Variants in PSMC1 observed in about 807,000 individuals in gnomAD.
PSMC1 encodes proteasome 26S subunit, ATPase 1.
A neutral mutation model predicts 49.8 loss-of-function variants in PSMC1; 5 were observed. The ratio of observed to expected loss-of-function variants is 0.10; its 90% CI spans 0.05 to 0.21. The LOEUF (loss-of-function observed/expected upper bound fraction) is 0.21. Ranked by LOEUF, PSMC1 falls within the 10% of genes least tolerant of loss-of-function variation. The probability of loss-of-function intolerance (pLI) is 1.00; values close to 1 mark genes in which losing one functional copy is unlikely to be tolerated. For missense variants in PSMC1, 181 were observed against 535.7 expected (o/e 0.34, Z 6.54); for synonymous variants, 155 against 192.1 (o/e 0.81, Z 1.60).
At chr14:90,265,043 G>T in intron 6 of PSMC1, 27 bp from the exon 7 acceptor site, 1 of 1,501,862 alleles carries the variant, frequency 6.7e-7, no homozygotes, top group Admixed American at 1.8e-5. Context: ...TTTCAGTAAA[G>T]CCTTTCATTC....
chr14:90,269,685 A>G, intron 9 of PSMC1, 137 bp downstream of exon 9: 1 of 963,622 alleles, frequency 1.0e-6, no homozygotes, highest in Admixed American at 2.6e-5. Flanking sequence ...ACAAAAAAAT[A>G]GGTCCTCTTG....
At chr14:90,261,053 G>A (rs888005454) in intron 3 of PSMC1, among the ~76,000 whole-genome samples, 5 of 152,098 alleles carry the variant, frequency 3.3e-5, no homozygotes, top group Non-Finnish European at 5.9e-5. Context: ...GCTTCCTGCC[G>A]AACATAGAAT....
intron 3 of PSMC1, among the ~76,000 whole-genome samples, chr14:90,260,605 G>A (rs922422334): frequency 1.3e-5 from 2 of 152,162 alleles, no homozygotes; most frequent in Non-Finnish European, 2.9e-5. Flanking sequence ...GGTGGCGGGT[G>A]CCTGTAGTCC....
intron 7 of PSMC1, among the ~76,000 whole-genome samples, chr14:90,265,614 G>GGGAGGCGGTGCTTGTAGTGAGC (rs1891491927): frequency 6.6e-6 from 1 of 151,268 alleles, no homozygotes; most frequent in Non-Finnish European, 1.5e-5. Flanking sequence ...GCATGAACCC[G>GGGAGGCGGTGCTTGTAGTGAGC]GGAGGCGGTG....
At chr14:90,256,817 C>T (rs1891303311) in intron 1 of PSMC1, among the ~76,000 whole-genome samples, 1 of 152,144 alleles carries the variant, frequency 6.6e-6, no homozygotes, top group East Asian at 1.9e-4. Context: ...GATCCTGGGG[C>T]CGGGGCTCAG....
chr14:90,262,786 C>G (rs77159996), intron 3 of PSMC1, among the ~76,000 whole-genome samples: 1 of 123,802 alleles, frequency 8.1e-6, no homozygotes, highest in African/African-American at 3.0e-5. Context: ...GACTCCGTCT[C>G]AAAAAAAAAA....
intron 4 of PSMC1, 48 bp downstream of exon 4, chr14:90,263,490 A>G (rs1891442125): frequency 1.3e-6 from 2 of 1,517,696 alleles, no homozygotes; most frequent in South Asian, 2.5e-5. Flanking sequence ...ATTGAATTCT[A>G]TAAAATTGTC....
intron 2 of PSMC1, among the ~76,000 whole-genome samples, chr14:90,259,425 T>G (rs995373830): frequency 7.9e-5 from 12 of 152,086 alleles, no homozygotes; most frequent in African/African-American, 2.9e-4. Context: ...TATGAGTTAT[T>G]TATTTGTGTA....
At chr14:90,265,657 C>T (rs1218765557) in intron 7 of PSMC1, among the ~76,000 whole-genome samples, 2 of 147,404 alleles carry the variant, frequency 1.4e-5, no homozygotes, top group Non-Finnish European at 1.5e-5. Context: ...CCACTGCACT[C>T]CAGCCTGGGT....
intron 8 of PSMC1, 194 bp downstream of exon 8, chr14:90,268,607 G>C: frequency 1.7e-6 from 1 of 585,102 alleles, no homozygotes; most frequent in South Asian, 2.2e-5. Flanking sequence ...CGTCTGGAGA[G>C]ATTGGTCAGT....
At chr14:90,258,655 A>G (rs1891340409) in intron 1 of PSMC1, among the ~76,000 whole-genome samples, 1 of 152,234 alleles carries the variant, frequency 6.6e-6, no homozygotes, top group Non-Finnish European at 1.5e-5. Context: ...TAGGAATTGG[A>G]TAAGGTGCTA....
rs190367719 is a variant in PSMC1 at position 90,269,737 on chromosome 14, T to C, written c.1033+189T>C. On this transcript the variant is annotated intron_variant, in intron 9 of 10. Coordinates refer to ENST00000261303, the MANE Select transcript of PSMC1 (RefSeq NM_002802.3). Reference sequence around the variant, plus strand: ...AGAGCATGATATGGTCTGTGCACCTTGGCCCTTTGAATTCCAGTCTTATGT... The same window carrying C: ...AGAGCATGATATGGTCTGTGCACCTCGGCCCTTTGAATTCCAGTCTTATGT... The C allele has an allele frequency of 6.8e-4, 360 of 526,014 alleles. 2 individuals carry two copies. Among genetic ancestry groups the C allele is most frequent in the African/African-American group, 6.5e-3 (333 of 51,426 alleles). The allele number at this position is 526,014 out of a possible 1,614,324, so 32.6% of individuals were successfully genotyped here.
At chr14:90,270,530 A>G (rs1164222145) in intron 10 of PSMC1, 178 bp downstream of exon 10, 34 of 670,396 alleles carry the variant, frequency 5.1e-5, no homozygotes, top group Non-Finnish European at 7.9e-5. Context: ...AGTCATTCTT[A>G]ATGCATCATT....
At chr14:90,271,111 C>T (rs944460587) in intron 10 of PSMC1, 9 of 152,296 alleles carry the variant, frequency 5.9e-5, no homozygotes, top group South Asian at 2.1e-4. Context: ...AAAAAAGTTG[C>T]AACAATAGCA....
In PSMC1 at chr14:90,274,827, CACACACA is replaced by C. The variant is rs1483221087; in HGVS notation, c.*2421_*2427del. ...ACACACACACACACACACACACACACACACACACACACCCCAATACATATGAATTGAT... is the reference window on the plus strand; with the variant it reads ...ACACACACACACACACACACACACACCACACCCCAATACATATGAATTGAT... On this transcript the variant is annotated 3_prime_UTR_variant, in exon 11 of 11. Transcript: ENST00000261303. The C allele has an allele frequency of 2.5e-4, 24 of 96,580 alleles. 1 individual carries two copies. The highest frequency in any genetic ancestry group is 3.5e-4 in the East Asian group (1 of 2,862). 6.0% of individuals were successfully genotyped at this position (96,580 alleles called of 1,614,324 possible). A position where few individuals can be genotyped will look rare whatever the true frequency, so the allele number is the denominator to read the frequency against.
chr14:90,271,962 G>A (rs1007479254), intron 10 of PSMC1: 1 of 205,438 alleles, frequency 4.9e-6, no homozygotes, highest in South Asian at 6.0e-5. Context: ...GCGCGATCTC[G>A]GCTCACTGTA....
rs75409356 is a variant in PSMC1 at position 90,267,707 on chromosome 14, G to T, written c.692-517G>T. ...CATGCCTGGAGCTCAGGAACACTTCGTGTATCTCCTTAGGGCCAAAGCTAG... is the reference window on the plus strand; with the variant it reads ...CATGCCTGGAGCTCAGGAACACTTCTTGTATCTCCTTAGGGCCAAAGCTAG... On this transcript the variant is annotated intron_variant, in intron 7 of 10. Coordinates refer to ENST00000261303, the MANE Select transcript of PSMC1 (RefSeq NM_002802.3). 9.4e-3 allele frequency: 1,443 copies of T among 152,762 alleles called. 55 individuals are homozygous for T. Among genetic ancestry groups the T allele is most frequent in the Admixed American group, 0.061 (932 of 15,326 alleles). 9.5% of individuals were successfully genotyped at this position (152,762 alleles called of 1,614,324 possible). A position where few individuals can be genotyped will look rare whatever the true frequency, so the allele number is the denominator to read the frequency against.
Position 90,272,959 on chromosome 14 carries a change from T to G in PSMC1, c.*552T>G, listed in dbSNP as rs896916916. On this transcript the variant is annotated 3_prime_UTR_variant, in exon 11 of 11. Coordinates refer to ENST00000261303, the MANE Select transcript of PSMC1 (RefSeq NM_002802.3). The surrounding 1 kb of genome is among the most constrained non-coding windows in gnomAD (Gnocchi z 4.5). ...CACTCTGAGGGCAGAAAATAACTAC[T>G]GGTGTTCCCAAGAGACTGAGGATTC... 6.6e-6 allele frequency: 1 copy of G among 152,238 alleles called. No homozygotes were observed. 9.4% of individuals were successfully genotyped at this position (152,238 alleles called of 1,614,324 possible).
At chr14:90,256,725 GATC>G in intron 1 of PSMC1, 125 bp downstream of exon 1, 1 of 1,452,180 alleles carries the variant, frequency 6.9e-7, no homozygotes, top group Non-Finnish European at 9.4e-7. Flanking sequence ...TTGCCGGCCT[GATC>G]TTCTCGGCGG....
Sources: allele counts gnomAD v4.1 joint callset (sites outside exome capture counted in the v4.1 genomes callset), GRCh38; gene constraint gnomAD v4.1.1; non-coding constraint Gnocchi (gnomAD v3.1); transcripts MANE v1.5; gene names NCBI Gene and HGNC (gene_info 2026-07-23, HGNC 2026-07-21).